SEPTIN10: variants seen among roughly 807,000 people sequenced by gnomAD.
The protein encoded by SEPTIN10 is septin 10.
In SEPTIN10, 66 loss-of-function variants were observed where a neutral mutation model predicts 54.8. The observed-to-expected ratio is 1.21, with a 90% CI of 0.99 to 1.48. The LOEUF (loss-of-function observed/expected upper bound fraction) is 1.48, where lower values mean the gene tolerates loss of function less well. SEPTIN10 is among the 40% of genes most tolerant of loss of function. SEPTIN10 has a pLI of 0.00. For synonymous variants in SEPTIN10, 161 were observed against 181.0 expected (o/e 0.89, Z 0.89); for missense variants, 620 against 545.6 (o/e 1.14, Z -1.36).
chr2:109,585,709 G>C lies in SEPTIN10; in HGVS notation c.217+12C>G. 2 of 1,554,072 alleles carry C rather than the reference G, an allele frequency of 1.3e-6. No individual in the cohort carries two copies. The highest frequency in any genetic ancestry group is 1.8e-6 in the Non-Finnish European group (2 of 1,126,744). ...GAAGGAACAACTTAGAGGAAGAGTA[G>C]GTGGCACGTACCCACACAGAGAATA... On this transcript the variant is annotated intron_variant, in intron 3 of 10. Transcript: ENST00000397712.
rs200637723 is a variant in SEPTIN10, at chr2:109,579,653, G to A, written c.414-4886C>T. Among the ~76,000 whole-genome samples the A allele has an allele frequency of 1.7e-4, 25 of 151,098 alleles. No individual in the cohort carries two copies. The East Asian group carries it at 3.6e-3, about 22-fold the overall frequency. On this transcript the variant is annotated intron_variant, in intron 4 of 10. Transcript: ENST00000397712. ...CCACCTTGGCCTCCCAAAGTGCTGG[G>A]ATTACAGGCATGAGCCACCACGCCC...
intron 9 of SEPTIN10, among the ~76,000 whole-genome samples, chr2:109,552,248 A>G (rs1683148536): frequency 6.6e-6 from 1 of 152,318 alleles, no homozygotes; most frequent in Admixed American, 6.5e-5. Flanking sequence ...TGGTGCCAAA[A>G]AGGTTGGGGA....
At chr2:109,571,492 G>C (rs745718341) in intron 5 of SEPTIN10, among the ~76,000 whole-genome samples, 5 of 152,150 alleles carry the variant, frequency 3.3e-5, no homozygotes, top group East Asian at 1.9e-4. Context: ...TAATACAATG[G>C]TAAGTGTGTG....
At position 109,613,041 on chromosome 2, in the gene SEPTIN10, T is replaced by C. The variant is rs1367275047; in HGVS notation, c.30+757A>G. 5.5e-6 allele frequency: 3 copies of C among 549,348 alleles called. No homozygotes were observed. The East Asian group carries it at 2.0e-4, about 37-fold the overall frequency. The allele number at this position is 549,348 out of a possible 1,614,324, so 34.0% of individuals were successfully genotyped here. A position where few individuals can be genotyped will look rare whatever the true frequency, so the allele number is the denominator to read the frequency against. On this transcript the variant is annotated intron_variant, in intron 1 of 10. Transcript: ENST00000397712. Reference sequence around the variant, plus strand: ...ACCACCAATGTTTACTATCAAAAATTAAAAGGGAGAATTTGTTTTTAAGAA... The same window carrying C: ...ACCACCAATGTTTACTATCAAAAATCAAAAGGGAGAATTTGTTTTTAAGAA...
intron 4 of SEPTIN10, among the ~76,000 whole-genome samples, chr2:109,577,822 A>C (rs1377304848): frequency 1.3e-5 from 2 of 151,094 alleles, no homozygotes; most frequent in East Asian, 3.9e-4. Context: ...CTGAGGCTTA[A>C]GAATCACTTG....
rs576519214 is a variant in SEPTIN10 at position 109,546,403 on chromosome 2, T to C, written c.1162-166A>G. 7.2e-5 allele frequency among the ~76,000 whole-genome samples: 11 copies of C among 152,202 alleles called. No homozygotes were observed. In the East Asian group the frequency reaches 1.7e-3, roughly 24 times the overall value. On this transcript the variant is annotated intron_variant, in intron 9 of 10. Transcript: ENST00000397712. ...TTCATAGTTCAAGGAAAAGTTTACA[T>C]ATGGAATTCCCTTGGTAACTTTAAT... is the stretch of plus-strand genomic sequence containing the variant.
rs141815820 is a variant in SEPTIN10, at chr2:109,591,856, C to T, written c.99+1195G>A. Among the ~76,000 whole-genome samples the T allele has an allele frequency of 6.3e-3, 961 of 152,100 alleles. 9 individuals are homozygous for T. The highest frequency in any genetic ancestry group is 0.022 in the African/African-American group (901 of 41,488). On this transcript the variant is annotated intron_variant, in intron 2 of 10. Transcript: ENST00000397712. ...TAGGTTGAGTGAGCCGAGATTGCAC[C>T]ACTGCACTCCAGCCTGGGCAACAGA...
At position 109,581,884 on chromosome 2, in the gene SEPTIN10, T is replaced by G. The variant is rs140899792; in HGVS notation, c.413+3242A>C. Among the ~76,000 whole-genome samples, 3 of 152,272 alleles carry G rather than the reference T, an allele frequency of 2.0e-5. No homozygotes were observed. In the East Asian group the frequency reaches 5.8e-4, roughly 29 times the overall value. On this transcript the variant is annotated intron_variant, in intron 4 of 10. Transcript: ENST00000397712. Reference sequence around the variant, plus strand: ...CAAATAGGAAAAGAAAAAGTCAAATTATCTCTCTGCAGACAATATAATTTC... The same window carrying G: ...CAAATAGGAAAAGAAAAAGTCAAATGATCTCTCTGCAGACAATATAATTTC...
intron 8 of SEPTIN10, chr2:109,564,093 G>GT (rs1295234112): frequency 2.7e-5 from 9 of 338,732 alleles, no homozygotes; most frequent in Non-Finnish European, 4.7e-5. Flanking sequence ...AGTTACTCAT[G>GT]TCAGCATGAA....
At chr2:109,577,892 G>A (rs1322084758) in intron 4 of SEPTIN10, among the ~76,000 whole-genome samples, 1 of 132,068 alleles carries the variant, frequency 7.6e-6, no homozygotes, top group African/African-American at 2.9e-5. Context: ...AAGCCTGGGT[G>A]ACGAAGTGAG....
At chr2:109,551,023 T>C (rs902061766) in intron 9 of SEPTIN10, among the ~76,000 whole-genome samples, 1 of 152,238 alleles carries the variant, frequency 6.6e-6, no homozygotes, top group Non-Finnish European at 1.5e-5. Context: ...GTACTTTTTC[T>C]TAAAGTGGGG....
In SEPTIN10 at chr2:109,553,172, C is replaced by A. The variant is rs370265320; in HGVS notation, c.1076G>T (p.Arg359Leu). 2.1e-4 allele frequency: 339 copies of A among 1,614,132 alleles called. No homozygotes were observed. Among genetic ancestry groups the A allele is most frequent in the Non-Finnish European group, 2.7e-4 (314 of 1,180,006 alleles). The change falls in exon 9 of 11, where the codon CGT (arginine) becomes CTT (leucine). Residue 359 changes from arginine (R) to leucine (L), a missense_variant. By Grantham distance (102) the Arg-to-Leu change is moderately radical. Transcript: ENST00000397712. ...TTTCATTTCTTCTTCCTTCCTCTGA[C>A]GTTCACCATGGAACTCATGTCTTTT... ...EAKRHEFHGE[R>L]QRKEEEMKQM... is the part of the protein sequence containing the mutation.
Position 109,550,609 on chromosome 2 carries a change from C to T in SEPTIN10, c.1161+2478G>A, listed in dbSNP as rs573833175. Among the ~76,000 whole-genome samples, 108 of 152,214 alleles carry T rather than the reference C, an allele frequency of 7.1e-4. 1 individual carries two copies. The highest frequency in any genetic ancestry group is 2.5e-3 in the African/African-American group (102 of 41,550). ...GATTGCAGGCGTGAGCCACCACGCC[C>T]GGCCCCATTTTTAGAAATTAGAAAT... On this transcript the variant is annotated intron_variant, in intron 9 of 10. Transcript: ENST00000397712.
chr2:109,545,788 C>A, intron 10 of SEPTIN10: 1 of 1,427,234 alleles, frequency 7.0e-7, no homozygotes, highest in Non-Finnish European at 9.1e-7. Flanking sequence ...TGATCCTTTT[C>A]ACACTGTGAT....
chr2:109,545,503 G>A (rs1429441498), intron 10 of SEPTIN10: 1 of 1,535,980 alleles, frequency 6.5e-7, no homozygotes, highest in East Asian at 2.4e-5. Flanking sequence ...CACAAGCTCT[G>A]ACATCAATGC....
intron 1 of SEPTIN10, among the ~76,000 whole-genome samples, chr2:109,611,319 G>C (rs1046162916): frequency 6.6e-6 from 1 of 152,044 alleles, no homozygotes; most frequent in Non-Finnish European, 1.5e-5. Context: ...TCCATAAAAG[G>C]AAATAATGAT....
intron 10 of SEPTIN10, 186 bp downstream of exon 10, chr2:109,545,864 G>A (rs1681075876): frequency 3.0e-5 from 43 of 1,447,796 alleles, no homozygotes; most frequent in East Asian, 4.8e-5. Flanking sequence ...GCCAGGTGCT[G>A]TTCTGGATGC....
chr2:109,603,823 C>T (rs1697233467), intron 1 of SEPTIN10, among the ~76,000 whole-genome samples: 1 of 151,942 alleles, frequency 6.6e-6, no homozygotes, highest in South Asian at 2.1e-4. Context: ...GTCCTGAGGT[C>T]AGCAGTTCGA....
At chr2:109,602,721 C>T (rs961635915) in intron 1 of SEPTIN10, among the ~76,000 whole-genome samples, 6 of 150,102 alleles carry the variant, frequency 4.0e-5, no homozygotes, top group Non-Finnish European at 8.9e-5. Context: ...GGCTCGAATT[C>T]CTTCAAAAGA....
Sources: allele counts gnomAD v4.1 joint callset (sites outside exome capture counted in the v4.1 genomes callset), GRCh38; gene constraint gnomAD v4.1.1; transcripts MANE v1.5; gene names NCBI Gene and HGNC (gene_info 2026-07-23, HGNC 2026-07-21).